Variants in KCNN2 observed in about 807,000 individuals in gnomAD.
KCNN2 encodes small conductance calcium-activated potassium channel protein 2.
In KCNN2, 24 loss-of-function variants were observed where a neutral mutation model predicts 55.5. That is an observed-to-expected ratio of 0.43 (90% CI 0.31 to 0.61). The LOEUF is 0.61. Ranked by LOEUF, KCNN2 falls within the 20% of genes least tolerant of loss-of-function variation. KCNN2 has a pLI of 0.08. For missense variants in KCNN2, 754 were observed against 853.6 expected, an observed-to-expected ratio of 0.88 and a Z score of 1.45; for synonymous variants, 431 against 336.1, an observed-to-expected ratio of 1.28 and a Z score of -3.09.
At chr5:114,152,173 A>G (rs890141763) in intron 1 of KCNN2, among the ~76,000 whole-genome samples, 2 of 152,008 alleles carry the variant, frequency 1.3e-5, no homozygotes, top group African/African-American at 4.8e-5. Flanking sequence ...TTTTTGCTAC[A>G]TTAATTTAGA....
At chr5:114,167,073 G>A (rs967335244) in intron 1 of KCNN2, among the ~76,000 whole-genome samples, 13 of 152,090 alleles carry the variant, frequency 8.5e-5, no homozygotes, top group African/African-American at 2.9e-4. Flanking sequence ...CCCAAACTAA[G>A]ATATTTCATT....
chr5:114,080,319 A>G (rs796996338), intron 1 of KCNN2, among the ~76,000 whole-genome samples: 75 of 152,346 alleles, frequency 4.9e-4, no homozygotes, highest in African/African-American at 1.7e-3. Context: ...TAGCTTTACA[A>G]AATGAGTTGG....
intron 1 of KCNN2, among the ~76,000 whole-genome samples, chr5:114,122,423 C>G (rs959766805): frequency 6.6e-6 from 1 of 152,072 alleles, no homozygotes; most frequent in Non-Finnish European, 1.5e-5. Context: ...GGAAAAGAAA[C>G]CAATATATAT....
intron 1 of KCNN2, among the ~76,000 whole-genome samples, chr5:114,104,057 C>T (rs1289680957): frequency 3.3e-5 from 5 of 151,878 alleles, no homozygotes; most frequent in African/African-American, 7.2e-5. Flanking sequence ...TTTGGTCCTA[C>T]GCTTTTTTTG....
intron 1 of KCNN2, among the ~76,000 whole-genome samples, chr5:114,069,892 T>C (rs751415149): frequency 1.3e-5 from 2 of 152,214 alleles, no homozygotes; most frequent in African/African-American, 4.8e-5. Context: ...TTGATGGGAA[T>C]GCAAGGATAC....
At chr5:114,337,701 C>G (rs576468482) in intron 2 of KCNN2, among the ~76,000 whole-genome samples, 1 of 152,204 alleles carries the variant, frequency 6.6e-6, no homozygotes, top group South Asian at 2.1e-4. Flanking sequence ...ATAGTGTTTT[C>G]ATCCAAGAAA....
chr5:114,362,831 C>G lies in KCNN2; in HGVS notation c.692C>G (p.Ala231Gly), dbSNP rs750995287. 11 of 1,599,540 alleles carry G rather than the reference C, an allele frequency of 6.9e-6. No individual in the cohort carries two copies. Among genetic ancestry groups the G allele is most frequent in the South Asian group, 2.2e-5 (2 of 90,826 alleles). The change falls in exon 1 of 8, where the codon GCG becomes GGG. Residue 231 changes from alanine (A) to glycine (G), a missense_variant. By Grantham distance (60) the Ala-to-Gly change is moderately conservative. This residue lies in a region of KCNN2 where 381 missense variants were observed against 259.1 expected (regional missense o/e 1.47). Transcript: ENST00000673685. ...GVMRPLSNLS[A>G]SRRNLHEMDS... is the part of the protein sequence containing the mutation. Reference sequence around the variant, plus strand: ...ATGCGGCCGCTCAGCAACTTGAGCGCGTCCCGCCGGAACCTGCACGAGATG... The same window carrying G: ...ATGCGGCCGCTCAGCAACTTGAGCGGGTCCCGCCGGAACCTGCACGAGATG...
At chr5:114,288,523 CACACACAT>C (rs1462391220) in intron 2 of KCNN2, among the ~76,000 whole-genome samples, 7 of 151,616 alleles carry the variant, frequency 4.6e-5, no homozygotes, top group South Asian at 4.2e-4. Context: ...CACACACACA[CACACACAT>C]ACACATAGAT....
intron 2 of KCNN2, among the ~76,000 whole-genome samples, chr5:114,255,361 G>A (rs4485916): frequency 0.28 from 43,251 of 152,052 alleles, 6,726 homozygotes; most frequent in East Asian, 0.73. Flanking sequence ...AGCAGAAAAA[G>A]GAGGAATTTT....
At chr5:114,138,487 C>T (rs1342185464) in intron 1 of KCNN2, among the ~76,000 whole-genome samples, 3 of 152,062 alleles carry the variant, frequency 2.0e-5, no homozygotes, top group Non-Finnish European at 4.4e-5. Context: ...TCCTTAAGGT[C>T]GTATATATTT....
At chr5:114,226,288 A>C (rs2112598258) in intron 2 of KCNN2, among the ~76,000 whole-genome samples, 1 of 152,276 alleles carries the variant, frequency 6.6e-6, no homozygotes, top group African/African-American at 2.4e-5. Flanking sequence ...GAATTGATAG[A>C]TACTGGCAAA....
chr5:114,346,270 G>A (rs1363297998), intron 2 of KCNN2, among the ~76,000 whole-genome samples: 2 of 152,150 alleles, frequency 1.3e-5, no homozygotes, highest in South Asian at 2.1e-4. Flanking sequence ...TTGCCTTCAT[G>A]ACGCAAACAC....
At chr5:114,322,541 A>C (rs1450112447) in intron 2 of KCNN2, among the ~76,000 whole-genome samples, 2 of 151,128 alleles carry the variant, frequency 1.3e-5, no homozygotes, top group Non-Finnish European at 2.9e-5. Context: ...GACACACTGC[A>C]TGCATACATG....
intron 2 of KCNN2, among the ~76,000 whole-genome samples, chr5:114,270,724 T>C (rs1399994911): frequency 1.3e-5 from 2 of 152,214 alleles, no homozygotes; most frequent in East Asian, 1.9e-4. Context: ...TGTAACAGTA[T>C]TACTATGTCC....
chr5:114,388,201 C>T (rs551250469), intron 2 of KCNN2, among the ~76,000 whole-genome samples: 3 of 152,040 alleles, frequency 2.0e-5, no homozygotes, highest in African/African-American at 7.2e-5. Context: ...TTATTTCTGA[C>T]ATTATTTTGG....
intron 1 of KCNN2, among the ~76,000 whole-genome samples, chr5:114,363,500 G>A (rs1173155320): frequency 1.3e-5 from 2 of 152,202 alleles, no homozygotes; most frequent in Admixed American, 6.5e-5. Context: ...GCGCATTCGG[G>A]CACCTTAAGT....
At chr5:114,422,452 A>G (rs967652992) in intron 3 of KCNN2, among the ~76,000 whole-genome samples, 4 of 152,184 alleles carry the variant, frequency 2.6e-5, no homozygotes, top group Non-Finnish European at 4.4e-5. Flanking sequence ...CTTCCTGTGA[A>G]TTGATCTTGG....
intron 1 of KCNN2, among the ~76,000 whole-genome samples, chr5:114,162,322 C>T (rs1035864345): frequency 2.0e-5 from 3 of 151,972 alleles, no homozygotes; most frequent in Non-Finnish European, 2.9e-5. Context: ...CAGCGGATAT[C>T]GGTGAACCGC....
chr5:114,095,935 C>G (rs1439885713), intron 1 of KCNN2, among the ~76,000 whole-genome samples: 3 of 151,962 alleles, frequency 2.0e-5, no homozygotes, highest in Non-Finnish European at 4.4e-5. Context: ...TGTCTTTTTT[C>G]AAGCATATCA....
Sources: allele counts gnomAD v4.1 joint callset (sites outside exome capture counted in the v4.1 genomes callset), GRCh38; gene constraint gnomAD v4.1.1; regional missense constraint gnomAD v4.1.1; transcripts MANE v1.5; gene names NCBI Gene and HGNC (gene_info 2026-07-23, HGNC 2026-07-21).